ITGA1: variants seen among roughly 807,000 people sequenced by gnomAD.
The protein encoded by ITGA1 is integrin subunit alpha 1.
Under a neutral mutation model 145.9 loss-of-function variants are expected in ITGA1, and 85 were observed. That is an observed-to-expected ratio of 0.58 (90% CI 0.49 to 0.70). The LOEUF (loss-of-function observed/expected upper bound fraction) is 0.70. ITGA1 is among the 30% of genes least tolerant of loss of function. The pLI is 0.00. For synonymous variants in ITGA1, 520 were observed against 495.3 expected, an observed-to-expected ratio of 1.05 and a Z score of -0.66; for missense variants, 1,351 against 1,418.7, an observed-to-expected ratio of 0.95 and a Z score of 0.77.
chr5:52,849,618 C>A, intron 2 of ITGA1, 133 bp downstream of exon 2: 1 of 791,958 alleles, frequency 1.3e-6, no homozygotes, highest in Non-Finnish European at 1.8e-6. Context: ...GCAGTCTAGT[C>A]ATTTGGCAAT....
chr5:52,940,896 C>T (rs1373233462), intron 26 of ITGA1, among the ~76,000 whole-genome samples: 3 of 152,126 alleles, frequency 2.0e-5, no homozygotes, highest in South Asian at 4.1e-4. Flanking sequence ...CAGATTCCAT[C>T]GCTCAGGTAG....
In ITGA1 at chr5:52,871,223, C is replaced by CT. The variant is rs1013300265; in HGVS notation, c.624+5414dup. On this transcript the variant is annotated intron_variant, in intron 6 of 28. Transcript: ENST00000282588. ...CCATATGAAAGTATTGCTGTTTGAT[C>CT]TTTTTTTTCCCAACCTACAAATACA... Among the ~76,000 whole-genome samples the CT allele has an allele frequency of 5.9e-5, 9 of 151,916 alleles. No individual in the cohort carries two copies. In the South Asian group the frequency reaches 1.2e-3, roughly 21 times the overall value.
At position 52,956,273 on chromosome 5, in the gene ITGA1, A is replaced by G. The variant is rs1371427633; in HGVS notation, c.*3822A>G. 1 of 152,188 alleles carries G rather than the reference A, an allele frequency of 6.6e-6. No homozygotes were observed. Among genetic ancestry groups the G allele is most frequent in the Non-Finnish European group, 1.5e-5 (1 of 68,038 alleles). 9.4% of individuals were successfully genotyped at this position (152,188 alleles called of 1,614,324 possible). On this transcript the variant is annotated 3_prime_UTR_variant, in exon 29 of 29. Transcript: ENST00000282588. ...GGGAACTGACTGTCCTGCTTTTCAC[A>G]ACATTGAGAAACAGGCCCAGAGCCT...
rs1429676790 is a variant in ITGA1 at position 52,881,606 on chromosome 5, G to C, written c.625-267G>C. Among the ~76,000 whole-genome samples the C allele has an allele frequency of 4.6e-5, 7 of 152,168 alleles. No homozygotes were observed. In the South Asian group the frequency reaches 1.0e-3, roughly 23 times the overall value. On this transcript the variant is annotated intron_variant, in intron 6 of 28. Coordinates refer to ENST00000282588, the MANE Select transcript of ITGA1 (RefSeq NM_181501.2). Reference sequence around the variant, plus strand: ...TGTGTTTCATATTCTACCCACCAAGGCCTACCAGAGTTACTCTGTAAAATC... The same window carrying C: ...TGTGTTTCATATTCTACCCACCAAGCCCTACCAGAGTTACTCTGTAAAATC...
intron 6 of ITGA1, among the ~76,000 whole-genome samples, chr5:52,871,768 C>G (rs531387749): frequency 6.6e-6 from 1 of 152,206 alleles, no homozygotes; most frequent in African/African-American, 2.4e-5. Context: ...TTCTGTGTGG[C>G]CCAATTAAGA....
chr5:52,816,280 G>A (rs1748774121), intron 1 of ITGA1, among the ~76,000 whole-genome samples: 1 of 152,086 alleles, frequency 6.6e-6, no homozygotes, highest in Non-Finnish European at 1.5e-5. Context: ...AAACCAATAT[G>A]CCAGCAGAAA....
chr5:52,804,017 T>C (rs192600506), intron 1 of ITGA1: 7 of 152,322 alleles, frequency 4.6e-5, no homozygotes, highest in African/African-American at 1.4e-4. Context: ...AATTATTAAA[T>C]AAAATTTAAC....
At chr5:52,938,919 T>C (rs1369633510) in intron 24 of ITGA1, among the ~76,000 whole-genome samples, 2 of 152,078 alleles carry the variant, frequency 1.3e-5, no homozygotes, top group South Asian at 4.1e-4. Flanking sequence ...TTCCTTTTTT[T>C]TGAGACGGAA....
At chr5:52,951,837 T>C (rs901475818) in intron 28 of ITGA1, among the ~76,000 whole-genome samples, 1 of 152,202 alleles carries the variant, frequency 6.6e-6, no homozygotes, top group Admixed American at 6.5e-5. Context: ...TTTTAATTAG[T>C]TCAATGTGTA....
intron 1 of ITGA1, among the ~76,000 whole-genome samples, chr5:52,788,697 G>T (rs1204093008): frequency 1.3e-5 from 2 of 152,164 alleles, no homozygotes; most frequent in African/African-American, 4.8e-5. Context: ...AATTAAAGTT[G>T]TTTTTACAAT....
At chr5:52,892,359 A>G (rs928331552) in intron 8 of ITGA1, among the ~76,000 whole-genome samples, 1 of 152,206 alleles carries the variant, frequency 6.6e-6, no homozygotes, top group Non-Finnish European at 1.5e-5. Context: ...ACACGCATGC[A>G]AAGCAGCTGG....
chr5:52,900,223 T>G (rs1561242061), intron 11 of ITGA1, among the ~76,000 whole-genome samples: 1 of 152,210 alleles, frequency 6.6e-6, no homozygotes, highest in Non-Finnish European at 1.5e-5. Context: ...AGACTGTTTA[T>G]GTGAAATACC....
intron 1 of ITGA1, among the ~76,000 whole-genome samples, chr5:52,810,058 T>C (rs1216062093): frequency 6.6e-6 from 1 of 152,248 alleles, no homozygotes; most frequent in Non-Finnish European, 1.5e-5. Flanking sequence ...TCTGCATTTC[T>C]TACATGACTA....
chr5:52,789,673 C>T (rs1331621561), intron 1 of ITGA1, among the ~76,000 whole-genome samples: 1 of 152,206 alleles, frequency 6.6e-6, no homozygotes, highest in Non-Finnish European at 1.5e-5. Context: ...TTACCAGCTA[C>T]TGCCACTACT....
chr5:52,863,427 G>A (rs1456052947), intron 3 of ITGA1, among the ~76,000 whole-genome samples: 1 of 151,486 alleles, frequency 6.6e-6, no homozygotes, highest in Non-Finnish European at 1.5e-5. Flanking sequence ...AGTAAGACTA[G>A]GAGTTCTATT....
chr5:52,897,547 G>A lies in ITGA1; in HGVS notation c.1164+19G>A, dbSNP rs1750245539. 1 of 1,595,206 alleles carries A rather than the reference G, an allele frequency of 6.3e-7. No individual in the cohort carries two copies. Among genetic ancestry groups the A allele is most frequent in the Non-Finnish European group, 8.6e-7 (1 of 1,163,868 alleles). On this transcript the variant is annotated intron_variant, in intron 10 of 28. Transcript: ENST00000282588. Reference sequence around the variant, plus strand: ...TTCACAGGTATGTTGACCAGTTGGTGAAAAATGAAATATATGTTTGCAAGA... The same window carrying A: ...TTCACAGGTATGTTGACCAGTTGGTAAAAAATGAAATATATGTTTGCAAGA...
chr5:52,950,435 A>C (rs1398730122), intron 28 of ITGA1, among the ~76,000 whole-genome samples: 1 of 152,212 alleles, frequency 6.6e-6, no homozygotes, highest in African/African-American at 2.4e-5. Context: ...TATATTCATT[A>C]AGCACTTACT....
intron 15 of ITGA1, 147 bp downstream of exon 15, chr5:52,915,741 G>A (rs999183737): frequency 1.1e-5 from 10 of 935,702 alleles, no homozygotes; most frequent in Admixed American, 2.7e-5. Context: ...TGAGCTGGAA[G>A]AGTCAATACA....
intron 1 of ITGA1, among the ~76,000 whole-genome samples, chr5:52,843,871 C>T (rs1749295028): frequency 6.6e-6 from 1 of 152,072 alleles, no homozygotes; most frequent in Non-Finnish European, 1.5e-5. Flanking sequence ...TTTCTTAATA[C>T]ACAAAAAGAG....
Sources: allele counts gnomAD v4.1 joint callset (sites outside exome capture counted in the v4.1 genomes callset), GRCh38; gene constraint gnomAD v4.1.1; transcripts MANE v1.5; gene names NCBI Gene and HGNC (gene_info 2026-07-23, HGNC 2026-07-21).